Variants in OR1J2 observed in about 807,000 individuals in gnomAD.
The protein encoded by OR1J2 is olfactory receptor 1J2.
For missense variants in OR1J2, 304 were observed against 246.1 expected (o/e 1.24, Z -1.57); for synonymous variants, 142 against 99.7 (o/e 1.42, Z -2.52).
At chr9:122,526,353 C>G in the OR1J2 span, 1 of 1,464,970 alleles carries the variant, frequency 6.8e-7, no homozygotes, top group South Asian at 1.6e-5. Context: ...TTGCTGTCAC[C>G]ACATCTAAGA....
At chr9:122,465,691 T>G in the OR1J2 span, among the ~76,000 whole-genome samples, 2 of 152,220 alleles carry the variant, frequency 1.3e-5, no homozygotes, top group East Asian at 1.9e-4. Context: ...TGCCTCCTTA[T>G]GAGATACCAT....
chr9:122,489,712 T>A, the OR1J2 span, among the ~76,000 whole-genome samples: 2 of 152,214 alleles, frequency 1.3e-5, no homozygotes, highest in Non-Finnish European at 2.9e-5. Flanking sequence ...CCGGACTTGG[T>A]GACCATTGTT....
chr9:122,553,146 G>T, the OR1J2 span: 2 of 1,545,802 alleles, frequency 1.3e-6, no homozygotes, highest in Non-Finnish European at 1.8e-6. Context: ...TCTGTAAATT[G>T]ATCTAATAAA....
At chr9:122,509,395 G>A (rs140382120), upstream of OR1J2, among the ~76,000 whole-genome samples, 665 of 152,276 alleles carry the variant, frequency 4.4e-3, 16 homozygotes, top group Admixed American at 0.039. Flanking sequence ...TATTGCCTAG[G>A]GAGGAAAGGG....
At chr9:122,545,094 T>C in the OR1J2 span, among the ~76,000 whole-genome samples, 105 of 152,286 alleles carry the variant, frequency 6.9e-4, no homozygotes, top group African/African-American at 2.3e-3. Context: ...CTTTGACTCA[T>C]AGACTTTCTA....
the OR1J2 span, among the ~76,000 whole-genome samples, chr9:122,472,899 G>C: frequency 1.8e-3 from 279 of 152,256 alleles, 1 homozygote; most frequent in African/African-American, 6.2e-3. Context: ...CTCCTGAGTG[G>C]ATCTGCACTC....
chr9:122,470,409 C>T, the OR1J2 span, among the ~76,000 whole-genome samples: 1 of 152,226 alleles, frequency 6.6e-6, no homozygotes, highest in South Asian at 2.1e-4. Context: ...GGTTGGGAAC[C>T]TCTGCCTAGA....
At chr9:122,493,663 T>G in the OR1J2 span, among the ~76,000 whole-genome samples, 1 of 152,162 alleles carries the variant, frequency 6.6e-6, no homozygotes, top group East Asian at 1.9e-4. Context: ...CATTTTGTTT[T>G]ATCTTTTGTA....
the OR1J2 span, among the ~76,000 whole-genome samples, chr9:122,543,214 T>G: frequency 4.6e-5 from 7 of 152,208 alleles, no homozygotes; most frequent in Non-Finnish European, 8.8e-5. Context: ...TTTTTGTTAT[T>G]GTTTAGACAG....
the OR1J2 span, among the ~76,000 whole-genome samples, chr9:122,518,795 A>G: frequency 1.1e-3 from 165 of 152,330 alleles, no homozygotes; most frequent in African/African-American, 3.6e-3. Flanking sequence ...AAGGCTCATG[A>G]CTAGCCTGAT....
the OR1J2 span, among the ~76,000 whole-genome samples, chr9:122,532,307 T>G: frequency 2.0e-5 from 3 of 152,160 alleles, no homozygotes; most frequent in African/African-American, 7.2e-5. Context: ...TGAGAGGTTC[T>G]AACAGGCGGG....
chr9:122,489,111 C>G, the OR1J2 span, among the ~76,000 whole-genome samples: 169 of 149,096 alleles, frequency 1.1e-3, no homozygotes, highest in African/African-American at 4.0e-3. Flanking sequence ...TGAATGAGAT[C>G]GACAAAACCG....
the OR1J2 span, among the ~76,000 whole-genome samples, chr9:122,468,349 A>T: frequency 6.6e-6 from 1 of 152,102 alleles, no homozygotes; most frequent in Non-Finnish European, 1.5e-5. Context: ...GGTTTCTTGG[A>T]CTCACTGGCT....
chr9:122,521,637 G>A, the OR1J2 span, among the ~76,000 whole-genome samples: 4 of 152,284 alleles, frequency 2.6e-5, no homozygotes, highest in African/African-American at 9.6e-5. Flanking sequence ...AACCTGAACA[G>A]GGATAGAATC....
the OR1J2 span, among the ~76,000 whole-genome samples, chr9:122,580,298 CTG>C: frequency 6.6e-6 from 1 of 151,860 alleles, no homozygotes; most frequent in African/African-American, 2.4e-5. Flanking sequence ...AGGACTCTAA[CTG>C]TAAAGAATTC....
chr9:122,450,119 A>T, the OR1J2 span, among the ~76,000 whole-genome samples: 1 of 152,190 alleles, frequency 6.6e-6, no homozygotes, highest in Non-Finnish European at 1.5e-5. Flanking sequence ...CTAACATTTC[A>T]TCTACTTATC....
chr9:122,534,669 G>A, the OR1J2 span, among the ~76,000 whole-genome samples: 1 of 152,022 alleles, frequency 6.6e-6, no homozygotes, highest in South Asian at 2.1e-4. Flanking sequence ...GGCGAGGAGG[G>A]GAGAGGTCAG....
upstream of OR1J2, chr9:122,510,778 A>T: frequency 7.8e-7 from 1 of 1,278,130 alleles, no homozygotes; most frequent in Middle Eastern, 1.9e-4. Flanking sequence ...AGCATTCTTC[A>T]TCTCCATCAG....
the OR1J2 span, among the ~76,000 whole-genome samples, chr9:122,549,622 T>C: frequency 6.6e-6 from 1 of 152,150 alleles, no homozygotes; most frequent in Admixed American, 6.6e-5. Flanking sequence ...ATAGGGTGTC[T>C]TTTCCCCAGT....
Sources: gnomAD v4.1 joint callset for allele counts (sites outside exome capture counted in the v4.1 genomes callset) on GRCh38, gnomAD v4.1.1 for gene constraint, MANE v1.5 for transcripts, NCBI Gene and HGNC (gene_info 2026-07-23, HGNC 2026-07-21) for gene names.